The following ZC2HC1A variants were observed in gnomAD, a reference collection of about 807,000 sequenced individuals.
ZC2HC1A encodes zinc finger C2HC-type containing 1A, also known as zinc finger C2HC domain-containing protein 1A.
Under a neutral mutation model 40.7 loss-of-function variants are expected in ZC2HC1A, and 28 were observed. The observed-to-expected ratio is 0.69, with a 90% CI of 0.51 to 0.94. The LOEUF (loss-of-function observed/expected upper bound fraction) is 0.94. Ranked by LOEUF, ZC2HC1A falls within the 40% of genes least tolerant of loss-of-function variation. ZC2HC1A has a pLI of 0.00. For missense variants in ZC2HC1A, 389 were observed against 386.3 expected (o/e 1.01, Z -0.06); for synonymous variants, 129 against 129.2 (o/e 1.00, Z 0.01).
chr8:78,688,523 C>A (rs1013914730), intron 4 of ZC2HC1A, among the ~76,000 whole-genome samples: 3 of 152,014 alleles, frequency 2.0e-5, no homozygotes, highest in Non-Finnish European at 2.9e-5. Context: ...TTTGACACTA[C>A]CAGATTTTTA....
chr8:78,676,947 A>G (rs1431675185), intron 2 of ZC2HC1A, among the ~76,000 whole-genome samples: 4 of 152,082 alleles, frequency 2.6e-5, no homozygotes, highest in Non-Finnish European at 5.9e-5. Flanking sequence ...TTAATAAGGA[A>G]CATATGTACA....
chr8:78,687,619 T>C (rs1033153201), intron 4 of ZC2HC1A, among the ~76,000 whole-genome samples: 2 of 135,864 alleles, frequency 1.5e-5, no homozygotes, highest in African/African-American at 5.3e-5. Context: ...ACATTATATA[T>C]ATTTACGTAA....
intron 7 of ZC2HC1A, among the ~76,000 whole-genome samples, chr8:78,711,400 A>G (rs142583110): frequency 6.6e-6 from 1 of 151,768 alleles, no homozygotes; most frequent in Non-Finnish European, 1.5e-5. Flanking sequence ...GCCCCTTACC[A>G]TTATTATATG....
At chr8:78,688,074 T>G (rs972785970) in intron 4 of ZC2HC1A, among the ~76,000 whole-genome samples, 10 of 150,822 alleles carry the variant, frequency 6.6e-5, no homozygotes. Flanking sequence ...ATTTGGCCCA[T>G]GGGCCATACT....
chr8:78,707,653 A>G (rs146002714), intron 7 of ZC2HC1A, among the ~76,000 whole-genome samples: 2 of 152,312 alleles, frequency 1.3e-5, no homozygotes, highest in East Asian at 3.9e-4. Flanking sequence ...TATAACTGTC[A>G]ATCATACCTG....
chr8:78,675,072 T>A (rs1199641441), intron 1 of ZC2HC1A, among the ~76,000 whole-genome samples: 1 of 151,434 alleles, frequency 6.6e-6, no homozygotes, highest in Non-Finnish European at 1.5e-5. Context: ...TTTTTTGTAG[T>A]TTCTTTTTTT....
rs531765065 is a variant in ZC2HC1A, at chr8:78,689,525, T to A, written c.504+152T>A. On this transcript the variant is annotated intron_variant, in intron 5 of 8. Transcript: ENST00000263849. ...ATATATCTATAAAAGTTGTATGCTT[T>A]TAGCTCTTATATCTGTAAATCATTT... 1.3e-4 allele frequency: 85 copies of A among 665,288 alleles called. No homozygotes were observed. In the African/African-American group the frequency reaches 1.5e-3, roughly 12 times the overall value. The allele number at this position is 665,288 out of a possible 1,614,324, so 41.2% of individuals were successfully genotyped here.
rs1809665698 is a variant in ZC2HC1A, at chr8:78,678,699, A to G, written c.210+20A>G. The G allele has an allele frequency of 6.5e-7, 1 of 1,549,758 alleles. No individual in the cohort carries two copies. The highest frequency in any genetic ancestry group is 8.8e-7 in the Non-Finnish European group (1 of 1,141,260). ...CCGAGGGTAACTATATAACCTTTTG[A>G]ACAGTATGAACTTTGGTGTTATGTA... On this transcript the variant is annotated intron_variant, in intron 3 of 8. Coordinates refer to ENST00000263849, the MANE Select transcript of ZC2HC1A (RefSeq NM_016010.3).
intron 3 of ZC2HC1A, among the ~76,000 whole-genome samples, chr8:78,680,613 A>G (rs1563622672): frequency 6.6e-6 from 1 of 152,198 alleles, no homozygotes; most frequent in African/African-American, 2.4e-5. Context: ...GGGCAAAGCA[A>G]CTACAAACTT....
intron 5 of ZC2HC1A, among the ~76,000 whole-genome samples, chr8:78,695,983 T>C (rs557864107): frequency 6.6e-6 from 1 of 152,340 alleles, no homozygotes; most frequent in East Asian, 1.9e-4. Flanking sequence ...TTATATTGAT[T>C]ATTGGTTATA....
chr8:78,702,777 A>G (rs1267560403), intron 7 of ZC2HC1A, among the ~76,000 whole-genome samples: 3 of 152,158 alleles, frequency 2.0e-5, no homozygotes, highest in Non-Finnish European at 4.4e-5. Flanking sequence ...TTTTGAGTTA[A>G]TTTCTTAATC....
intron 7 of ZC2HC1A, among the ~76,000 whole-genome samples, chr8:78,713,360 T>C (rs1339938103): frequency 6.6e-6 from 1 of 152,124 alleles, no homozygotes; most frequent in Non-Finnish European, 1.5e-5. Context: ...ATATAAACAT[T>C]TTGAACAACC....
intron 5 of ZC2HC1A, among the ~76,000 whole-genome samples, chr8:78,689,833 T>C (rs921699332): frequency 6.6e-6 from 1 of 152,130 alleles, no homozygotes; most frequent in African/African-American, 2.4e-5. Context: ...AATTTATTAA[T>C]TCTTTATGAT....
chr8:78,671,813 C>T (rs1255522610), intron 1 of ZC2HC1A, among the ~76,000 whole-genome samples: 1 of 152,036 alleles, frequency 6.6e-6, no homozygotes, highest in East Asian at 1.9e-4. Context: ...CTGAAGCATT[C>T]GTTCTACCAT....
At chr8:78,704,286 G>T (rs1810699498) in intron 7 of ZC2HC1A, among the ~76,000 whole-genome samples, 1 of 151,516 alleles carries the variant, frequency 6.6e-6, no homozygotes. Context: ...TACTTGGGAG[G>T]CTGAGGCAGG....
At chr8:78,668,740 C>T (rs1809368764) in intron 1 of ZC2HC1A, among the ~76,000 whole-genome samples, 1 of 152,126 alleles carries the variant, frequency 6.6e-6, no homozygotes, top group African/African-American at 2.4e-5. Context: ...CTTTTAATTC[C>T]TTTTCATCTA....
At chr8:78,670,609 G>A (rs147600010) in intron 1 of ZC2HC1A, among the ~76,000 whole-genome samples, 1 of 152,278 alleles carries the variant, frequency 6.6e-6, no homozygotes, top group Non-Finnish European at 1.5e-5. Context: ...GATGGGTCAT[G>A]TTCAGACTGG....
intron 7 of ZC2HC1A, among the ~76,000 whole-genome samples, chr8:78,714,653 C>G (rs1214543438): frequency 2.0e-5 from 3 of 152,146 alleles, no homozygotes; most frequent in Admixed American, 1.3e-4. Context: ...CATGGATGAT[C>G]CAACCAGAAG....
chr8:78,714,131 A>T (rs1468963809), intron 7 of ZC2HC1A, among the ~76,000 whole-genome samples: 1 of 152,092 alleles, frequency 6.6e-6, no homozygotes, highest in African/African-American at 2.4e-5. Context: ...AAATTTAAAG[A>T]TTTGATTAAA....
Sources: gnomAD v4.1 joint callset for allele counts (sites outside exome capture counted in the v4.1 genomes callset) on GRCh38, gnomAD v4.1.1 for gene constraint, MANE v1.5 for transcripts, NCBI Gene and HGNC (gene_info 2026-07-23, HGNC 2026-07-21) for gene names.